ZBTB38: variants seen among roughly 807,000 people sequenced by gnomAD.
ZBTB38 encodes zinc finger and BTB domain-containing protein 38.
In ZBTB38, 20 loss-of-function variants were observed where a neutral mutation model predicts 76.8. The observed-to-expected ratio is 0.26, with a 90% confidence interval of 0.18 to 0.38. The LOEUF (loss-of-function observed/expected upper bound fraction) is 0.38. Among genes scored for constraint, ZBTB38 ranks in the 10% least tolerant of loss-of-function variants. The pLI is 1.00. For missense variants in ZBTB38, 1,082 were observed against 1,482.3 expected, an observed-to-expected ratio of 0.73 and a Z score of 4.43; for synonymous variants, 504 against 544.2, an observed-to-expected ratio of 0.93 and a Z score of 1.03.
In ZBTB38 at chr3:141,368,723, A is replaced by G. The variant is rs1347275347; in HGVS notation, c.-391A>G. 1 of 152,146 alleles carries G rather than the reference A, an allele frequency of 6.6e-6. No homozygotes were observed. The highest frequency in any genetic ancestry group is 2.4e-5 in the African/African-American group (1 of 41,414). The allele number at this position is 152,146 out of a possible 1,614,324, so 9.4% of individuals were successfully genotyped here. ...GTGGAGCTGATCACAAGAAGTGAAG[A>G]ACCCAGAGCACGAAAGCGGTTGTGA... is the stretch of plus-strand genomic sequence containing the variant. On this transcript the variant is annotated 5_prime_UTR_variant, in exon 1 of 6. Coordinates refer to ENST00000321464, the MANE Select transcript of ZBTB38 (RefSeq NM_001376113.1).
At chr3:141,338,909 C>A (rs1278462436) in intron 1 of ZBTB38, among the ~76,000 whole-genome samples, 1 of 152,054 alleles carries the variant, frequency 6.6e-6, no homozygotes, top group Non-Finnish European at 1.5e-5. Context: ...AACAAACAAT[C>A]TTTTAGGGAA....
rs558465837 is a variant in ZBTB38, at chr3:141,378,907, G to A, written c.-234-2518G>A. 3.3e-5 allele frequency among the ~76,000 whole-genome samples: 5 copies of A among 152,194 alleles called. No individual in the cohort carries two copies. In the East Asian group the frequency reaches 9.6e-4, roughly 29 times the overall value. ...AAATCAAGGACAAATCATCCTTCTC[G>A]CCCCTGTGCAGTAATTTCTTTTCTG... On this transcript the variant is annotated intron_variant, in intron 2 of 5. Transcript: ENST00000321464.
chr3:141,437,757 C>A (rs2079117231), intron 5 of ZBTB38, among the ~76,000 whole-genome samples: 1 of 152,152 alleles, frequency 6.6e-6, no homozygotes, highest in African/African-American at 2.4e-5. Flanking sequence ...GAGGTGGAAT[C>A]TGTAAAGCTG....
chr3:141,398,047 A>G (rs1950758472), intron 4 of ZBTB38, among the ~76,000 whole-genome samples: 2 of 152,370 alleles, frequency 1.3e-5, no homozygotes, highest in East Asian at 3.9e-4. Flanking sequence ...GGAGTGCAAT[A>G]AAACGAGCTA....
intron 4 of ZBTB38, among the ~76,000 whole-genome samples, chr3:141,393,744 G>T (rs147820252): frequency 6.6e-6 from 1 of 151,948 alleles, no homozygotes; most frequent in African/African-American, 2.4e-5. Context: ...ATGGAGCTGG[G>T]GGAACAAGGT....
chr3:141,432,629 A>T (rs1372233683), intron 5 of ZBTB38, among the ~76,000 whole-genome samples: 2 of 152,234 alleles, frequency 1.3e-5, no homozygotes, highest in Non-Finnish European at 2.9e-5. Flanking sequence ...TTAGTTAACA[A>T]TTTAAAGAGA....
intron 5 of ZBTB38, among the ~76,000 whole-genome samples, chr3:141,409,117 C>T (rs567119105): frequency 6.6e-6 from 1 of 152,256 alleles, no homozygotes; most frequent in African/African-American, 2.4e-5. Context: ...GCTATCTCAG[C>T]TCACTGCAAC....
chr3:141,448,320 G>A lies in ZBTB38; in HGVS notation c.*2344G>A, dbSNP rs956673747. 2 of 152,562 alleles carry A rather than the reference G, an allele frequency of 1.3e-5. No homozygotes were observed. Among genetic ancestry groups the A allele is most frequent in the Non-Finnish European group, 1.5e-5 (1 of 68,002 alleles). 9.5% of individuals were successfully genotyped at this position (152,562 alleles called of 1,614,324 possible). ...TTCTATAATTGTATTCATTTAAAAT[G>A]TTGATAGCTTGTGTTAGTTTCAGGG... On this transcript the variant is annotated 3_prime_UTR_variant, in exon 6 of 6. Coordinates refer to ENST00000321464, the MANE Select transcript of ZBTB38 (RefSeq NM_001376113.1).
At chr3:141,355,460 C>T (rs983725788) in intron 1 of ZBTB38, among the ~76,000 whole-genome samples, 4 of 152,036 alleles carry the variant, frequency 2.6e-5, no homozygotes, top group South Asian at 2.1e-4. Flanking sequence ...CCTGCTACTC[C>T]ATGTTCTAGT....
At chr3:141,338,229 T>G (rs920394414) in intron 1 of ZBTB38, among the ~76,000 whole-genome samples, 1 of 152,202 alleles carries the variant, frequency 6.6e-6, no homozygotes. Context: ...GAAAGCAGTT[T>G]GGTGATTTCC....
Position 141,443,378 on chromosome 3 carries a change from C to A in ZBTB38, c.990C>A (p.Pro330=). The A allele has an allele frequency of 6.2e-7, 1 of 1,614,188 alleles. No homozygotes were observed. Among genetic ancestry groups the A allele is most frequent in the Non-Finnish European group, 8.5e-7 (1 of 1,180,038 alleles). Residue 330 remains proline (P), a synonymous_variant, in exon 6 of 6, where the codon CCC becomes CCA. Transcript: ENST00000321464. The surrounding 1 kb of genome is among the most constrained non-coding windows in gnomAD (Gnocchi z 5.6). ...REDENQSSDV[P]GPPAAEVPPL... ...ATGAAAATCAATCTTCTGATGTTCC[C>A]GGGCCGCCAGCCGCAGAGGTTCCAC...
chr3:141,340,944 A>AAAGAAAAG (rs1385597139), intron 1 of ZBTB38, among the ~76,000 whole-genome samples: 1 of 81,454 alleles, frequency 1.2e-5, no homozygotes, highest in African/African-American at 7.4e-5. Context: ...AAAGAAAAGA[A>AAAGAAAAG]AGAAGGAAAG....
At chr3:141,409,430 A>G (rs1318639469) in intron 5 of ZBTB38, among the ~76,000 whole-genome samples, 2 of 152,186 alleles carry the variant, frequency 1.3e-5, no homozygotes, top group Non-Finnish European at 2.9e-5. Flanking sequence ...CTCCCCAGCC[A>G]CATAGTGAGA....
At chr3:141,347,428 CA>C (rs1025534389) in intron 1 of ZBTB38, among the ~76,000 whole-genome samples, 13 of 152,192 alleles carry the variant, frequency 8.5e-5, no homozygotes, top group Non-Finnish European at 1.5e-4. Flanking sequence ...GGCATGTACA[CA>C]TATATTTCTA....
chr3:141,429,877 T>C (rs1216214020), intron 5 of ZBTB38, among the ~76,000 whole-genome samples: 1 of 152,090 alleles, frequency 6.6e-6, no homozygotes, highest in African/African-American at 2.4e-5. Flanking sequence ...CCTGTGTGCC[T>C]GAGCAAAGGC....
intron 2 of ZBTB38, among the ~76,000 whole-genome samples, chr3:141,372,565 T>C (rs2149044713): frequency 6.6e-6 from 1 of 151,502 alleles, no homozygotes; most frequent in African/African-American, 2.4e-5. Context: ...GGCAGGGGAA[T>C]TGCTTGAACC....
rs2081104643 is a variant in ZBTB38, at chr3:141,446,521, C to T, written c.*545C>T. The T allele has an allele frequency of 6.5e-6, 1 of 152,768 alleles. No homozygotes were observed. The highest frequency in any genetic ancestry group is 2.4e-5 in the African/African-American group (1 of 41,422). The allele number at this position is 152,768 out of a possible 1,614,324, so 9.5% of individuals were successfully genotyped here. A position where few individuals can be genotyped will look rare whatever the true frequency, so the allele number is the denominator to read the frequency against. ...CTGAAATTATGTGCATAATGAGTAA[C>T]CTAAAGTAGGACATTCATACATTAT... On this transcript the variant is annotated 3_prime_UTR_variant, in exon 6 of 6. Coordinates refer to ENST00000321464, the MANE Select transcript of ZBTB38 (RefSeq NM_001376113.1).
Position 141,445,323 on chromosome 3 carries a change from A to T in ZBTB38, c.2935A>T (p.Met979Leu), listed in dbSNP as rs2080967097. 6.2e-7 allele frequency: 1 copy of T among 1,614,160 alleles called. No homozygotes were observed. The highest frequency in any genetic ancestry group is 1.7e-5 in the Admixed American group (1 of 60,022). Reference sequence around the variant, plus strand: ...CTTTGAGGAAGAAGAAACTAAAGAGATGCCCAAGCTGCAGTGTGAACTCTG... The same window carrying T: ...CTTTGAGGAAGAAGAAACTAAAGAGTTGCCCAAGCTGCAGTGTGAACTCTG... ...KPFEEEETKE[M>L]PKLQCELCDG... The change falls in exon 6 of 6, where the codon ATG becomes TTG. Residue 979 changes from methionine to leucine, a missense_variant. Physicochemically the swap from Met to Leu is conservative, Grantham distance 15. Around this residue, in one of 8 missense-constraint regions of ZBTB38, gnomAD observed 471 missense variants for 581.0 expected, o/e 0.81. Coordinates refer to ENST00000321464, the MANE Select transcript of ZBTB38 (RefSeq NM_001376113.1). This position sits in a 1 kb window ranked among gnomAD's most constrained non-coding sequence, Gnocchi z 6.5.
chr3:141,429,262 G>T (rs2076974579), intron 5 of ZBTB38, among the ~76,000 whole-genome samples: 1 of 151,914 alleles, frequency 6.6e-6, no homozygotes. Flanking sequence ...TGAGTGCAGA[G>T]GACAGAGGCA....
Sources: allele counts gnomAD v4.1 joint callset (sites outside exome capture counted in the v4.1 genomes callset), GRCh38; gene constraint gnomAD v4.1.1; regional missense constraint gnomAD v4.1.1; non-coding constraint Gnocchi (gnomAD v3.1); transcripts MANE v1.5; gene names NCBI Gene and HGNC (gene_info 2026-07-23, HGNC 2026-07-21).